SORCS3: variants seen among roughly 807,000 people sequenced by gnomAD.
The protein encoded by SORCS3 is VPS10 domain-containing receptor SorCS3.
A neutral mutation model predicts 146.3 loss-of-function variants in SORCS3; 57 were observed. That is an observed-to-expected ratio of 0.39 (90% confidence interval 0.31 to 0.49). The LOEUF (loss-of-function observed/expected upper bound fraction) is 0.49. SORCS3 is among the 20% of genes least tolerant of loss of function. The probability of loss-of-function intolerance (pLI) is 0.92; values close to 1 mark genes in which losing one functional copy is unlikely to be tolerated. For missense variants in SORCS3, 1,341 were observed against 1,575.5 expected (o/e 0.85, Z 2.52); for synonymous variants, 653 against 618.5 (o/e 1.06, Z -0.83).
chr10:104,771,860 C>T (rs2017253565), intron 1 of SORCS3, among the ~76,000 whole-genome samples: 1 of 151,812 alleles, frequency 6.6e-6, no homozygotes, highest in African/African-American at 2.4e-5. Flanking sequence ...CCAAGGCTGA[C>T]TCCAGGAGGT....
intron 5 of SORCS3, among the ~76,000 whole-genome samples, chr10:105,075,051 T>A (rs1036163029): frequency 6.6e-6 from 1 of 152,118 alleles, no homozygotes; most frequent in Non-Finnish European, 1.5e-5. Context: ...CCACAAAACA[T>A]CCTCCCATCC....
chr10:105,093,099 GA>G (rs942448561), intron 6 of SORCS3, among the ~76,000 whole-genome samples: 1 of 152,162 alleles, frequency 6.6e-6, no homozygotes, highest in Non-Finnish European at 1.5e-5. Context: ...AAATCTCCTA[GA>G]ACTAATATGT....
chr10:105,179,361 G>A (rs2056428476), intron 14 of SORCS3, among the ~76,000 whole-genome samples: 1 of 152,166 alleles, frequency 6.6e-6, no homozygotes, highest in South Asian at 2.1e-4. Flanking sequence ...ATGGATATGA[G>A]GGAGATTGAC....
chr10:104,992,876 CT>C (rs966032283), intron 4 of SORCS3, among the ~76,000 whole-genome samples: 2 of 151,820 alleles, frequency 1.3e-5, no homozygotes, highest in African/African-American at 2.4e-5. Context: ...AGAAAGAAAC[CT>C]TTTTTGTTTA....
rs1405314516 is a variant in SORCS3 at position 104,696,589 on chromosome 10, T to A, written c.627+54635T>A. On this transcript the variant is annotated intron_variant, in intron 1 of 26. Transcript: ENST00000369701. ...TACGTATATAATATATAATATATATTATATACGTATATATTATATATAATA... is the reference window on the plus strand; with the variant it reads ...TACGTATATAATATATAATATATATAATATACGTATATATTATATATAATA... Among the ~76,000 whole-genome samples, 7 of 92,170 alleles carry A rather than the reference T, an allele frequency of 7.6e-5. 2 individuals are homozygous for A. Among genetic ancestry groups the A allele is most frequent in the Non-Finnish European group, 1.4e-4 (7 of 50,412 alleles). 60.5% of individuals were successfully genotyped at this position (92,170 alleles called of 152,430 possible). A position where few individuals can be genotyped will look rare whatever the true frequency, so the allele number is the denominator to read the frequency against.
chr10:105,031,099 A>G (rs2055263552), intron 4 of SORCS3, among the ~76,000 whole-genome samples: 1 of 151,702 alleles, frequency 6.6e-6, no homozygotes, highest in Non-Finnish European at 1.5e-5. Context: ...GTTTGAGACC[A>G]GCCTGGCCAA....
chr10:105,251,719 G>A (rs998120826), intron 22 of SORCS3, among the ~76,000 whole-genome samples: 15 of 152,210 alleles, frequency 9.9e-5, no homozygotes, highest in African/African-American at 3.6e-4. Flanking sequence ...CCTTCACGGG[G>A]GAGAACTCAG....
At chr10:104,863,339 CTGCCTTTACTGA>C (rs2018425684) in intron 2 of SORCS3, among the ~76,000 whole-genome samples, 1 of 152,222 alleles carries the variant, frequency 6.6e-6, no homozygotes, top group Admixed American at 6.5e-5. Flanking sequence ...TCAAACATCC[CTGCCTTTACTGA>C]TGCCATGTCT....
chr10:104,725,217 C>G (rs1214450508), intron 1 of SORCS3, among the ~76,000 whole-genome samples: 1 of 152,210 alleles, frequency 6.6e-6, no homozygotes, highest in Admixed American at 6.5e-5. Flanking sequence ...AGATGCAGGT[C>G]TGTTGGAGTT....
rs528304900 is a variant in SORCS3, at chr10:104,729,588, G to A, written c.627+87634G>A. Reference sequence around the variant, plus strand: ...AATTTATCAAAATGATGGTTAATAGGGTCATAAGCTAGGTTTTATCCTTGC... The same window carrying A: ...AATTTATCAAAATGATGGTTAATAGAGTCATAAGCTAGGTTTTATCCTTGC... On this transcript the variant is annotated intron_variant, in intron 1 of 26. Transcript: ENST00000369701. 1.3e-3 allele frequency among the ~76,000 whole-genome samples: 192 copies of A among 152,254 alleles called. 1 individual carries two copies. The highest frequency in any genetic ancestry group is 2.4e-3 in the Non-Finnish European group (162 of 68,010).
intron 1 of SORCS3, among the ~76,000 whole-genome samples, chr10:104,760,643 A>G (rs1384114690): frequency 6.6e-6 from 1 of 152,226 alleles, no homozygotes; most frequent in African/African-American, 2.4e-5. Flanking sequence ...AATTTAGAGC[A>G]AGAAGTTATC....
At chr10:104,954,509 T>C (rs929279156) in intron 3 of SORCS3, among the ~76,000 whole-genome samples, 5 of 152,202 alleles carry the variant, frequency 3.3e-5, no homozygotes, top group African/African-American at 1.2e-4. Context: ...CATTTGAGCA[T>C]GAGGGGGCCT....
At chr10:105,093,233 A>G (rs1164578005) in intron 6 of SORCS3, among the ~76,000 whole-genome samples, 1 of 152,210 alleles carries the variant, frequency 6.6e-6, no homozygotes, top group East Asian at 1.9e-4. Context: ...ATGATTCACA[A>G]CTTATACAAT....
intron 1 of SORCS3, among the ~76,000 whole-genome samples, chr10:104,805,568 T>C (rs2017671023): frequency 1.3e-5 from 2 of 152,120 alleles, no homozygotes; most frequent in Non-Finnish European, 2.9e-5. Context: ...TGGGAGGTAG[T>C]AGGGAGAAAT....
At chr10:105,084,288 A>G (rs1442543523) in intron 5 of SORCS3, among the ~76,000 whole-genome samples, 3 of 152,184 alleles carry the variant, frequency 2.0e-5, no homozygotes, top group Non-Finnish European at 4.4e-5. Context: ...AATGCTTATA[A>G]ACACCAAACA....
At chr10:104,940,338 A>C (rs1460942587) in intron 3 of SORCS3, among the ~76,000 whole-genome samples, 75 of 121,994 alleles carry the variant, frequency 6.1e-4, no homozygotes, top group African/African-American at 2.8e-3. Context: ...GGTGTGCCGC[A>C]CCCATTAACT....
intron 22 of SORCS3, among the ~76,000 whole-genome samples, chr10:105,251,260 G>GC (rs1349208273): frequency 6.6e-6 from 1 of 152,152 alleles, no homozygotes; most frequent in Admixed American, 6.5e-5. Context: ...AGGGGGAAAG[G>GC]CCCCTTATAA....
chr10:104,683,416 T>G (rs2016003449), intron 1 of SORCS3, among the ~76,000 whole-genome samples: 1 of 152,194 alleles, frequency 6.6e-6, no homozygotes, highest in Non-Finnish European at 1.5e-5. Flanking sequence ...ATAATTGTTC[T>G]TTATGGGGAA....
At chr10:104,707,466 ACT>A (rs1336189251) in intron 1 of SORCS3, among the ~76,000 whole-genome samples, 3 of 152,044 alleles carry the variant, frequency 2.0e-5, no homozygotes, top group African/African-American at 7.3e-5. Flanking sequence ...ACTGAACCAG[ACT>A]CTCTGATTAA....
Sources: gnomAD v4.1 joint callset for allele counts (sites outside exome capture counted in the v4.1 genomes callset) on GRCh38, gnomAD v4.1.1 for gene constraint, MANE v1.5 for transcripts, NCBI Gene and HGNC (gene_info 2026-07-23, HGNC 2026-07-21) for gene names.